The following ANK2 variants were observed in gnomAD, a reference collection of about 807,000 sequenced individuals.
ANK2 encodes ankyrin 2.
In ANK2, 83 loss-of-function variants were observed where a neutral mutation model predicts 360.5. The observed-to-expected ratio is 0.23, with a 90% CI of 0.19 to 0.28. ANK2 has a LOEUF of 0.28. Ranked by LOEUF, ANK2 falls within the 10% of genes least tolerant of loss-of-function variation. ANK2 has a pLI of 1.00. For synonymous variants in ANK2, 1,740 were observed against 1,759.5 expected, an observed-to-expected ratio of 0.99 and a Z score of 0.28; for missense variants, 4,201 against 4,795.7, an observed-to-expected ratio of 0.88 and a Z score of 3.66.
intron 2 of ANK2, among the ~76,000 whole-genome samples, chr4:113,008,076 T>A (rs2154290721): frequency 6.6e-6 from 1 of 151,768 alleles, no homozygotes; most frequent in East Asian, 1.9e-4. Flanking sequence ...CTGGAAAAAG[T>A]GGTACCTACA....
intron 1 of ANK2, among the ~76,000 whole-genome samples, chr4:112,860,191 G>A (rs1376859773): frequency 6.6e-6 from 1 of 152,118 alleles, no homozygotes; most frequent in Non-Finnish European, 1.5e-5. Context: ...ACCATTTAAT[G>A]GGACCTAAGT....
the ANK2 span, among the ~76,000 whole-genome samples, chr4:112,727,879 C>A: frequency 6.6e-6 from 1 of 152,126 alleles, no homozygotes; most frequent in Non-Finnish European, 1.5e-5. Context: ...ACTCAGGAGG[C>A]TGAGGCAGAA....
At chr4:113,242,372 C>A (rs898093831) in intron 9 of ANK2, among the ~76,000 whole-genome samples, 163 bp downstream of exon 9, 11 of 152,040 alleles carry the variant, frequency 7.2e-5, no homozygotes, top group Non-Finnish European at 1.5e-4. Flanking sequence ...GGGTTCATAC[C>A]GTACAGTGAA....
chr4:113,273,041 A>G (rs2059086600), intron 14 of ANK2, among the ~76,000 whole-genome samples: 3 of 152,122 alleles, frequency 2.0e-5, no homozygotes, highest in Admixed American at 2.0e-4. Context: ...GAGAAATTTT[A>G]TCTTCTAATG....
rs534411089 is a variant in ANK2, at chr4:113,176,621, A to T, written c.186+2104A>T. Among the ~76,000 whole-genome samples the T allele has an allele frequency of 4.0e-3, 606 of 151,766 alleles. 5 individuals are homozygous for T. The highest frequency in any genetic ancestry group is 0.014 in the African/African-American group (585 of 41,422). On this transcript the variant is annotated intron_variant, in intron 2 of 45. Transcript: ENST00000357077. ...ATGAAATATTTATTTATTTATTTTT[A>T]TTTTATTTTATTTTATTTTTTATTA... is the stretch of plus-strand genomic sequence containing the variant.
At chr4:113,130,524 G>A (rs986272911) in intron 1 of ANK2, among the ~76,000 whole-genome samples, 6 of 152,218 alleles carry the variant, frequency 3.9e-5, no homozygotes, top group South Asian at 2.1e-4. Flanking sequence ...TGTTACATGC[G>A]TGTTCTTTAC....
At chr4:112,734,316 T>C in the ANK2 span, among the ~76,000 whole-genome samples, 3 of 152,224 alleles carry the variant, frequency 2.0e-5, no homozygotes, top group Admixed American at 1.3e-4. Context: ...GGCTCACTGA[T>C]GGGACTTGAC....
chr4:113,073,196 T>C (rs1396748941), intron 1 of ANK2, among the ~76,000 whole-genome samples: 2 of 151,952 alleles, frequency 1.3e-5, no homozygotes, highest in African/African-American at 4.8e-5. Context: ...CCTAAGGTGA[T>C]CCACCTGTCT....
the ANK2 span, among the ~76,000 whole-genome samples, chr4:112,791,672 T>C: frequency 2.0e-5 from 3 of 151,592 alleles, no homozygotes; most frequent in South Asian, 6.3e-4. Flanking sequence ...TTTGTATTTT[T>C]AGTAGAGACG....
At chr4:112,758,907 G>A in the ANK2 span, among the ~76,000 whole-genome samples, 10 of 152,030 alleles carry the variant, frequency 6.6e-5, no homozygotes, top group Admixed American at 1.3e-4. Context: ...TGCCCATGAT[G>A]GTGATTCTAG....
chr4:113,183,294 G>T (rs1056453290), intron 2 of ANK2, among the ~76,000 whole-genome samples: 11 of 152,124 alleles, frequency 7.2e-5, no homozygotes, highest in Non-Finnish European at 4.4e-5. Context: ...GCAGTTGAGG[G>T]TAAGACAGTA....
At chr4:113,176,601 A>ATATT (rs1189433303) in intron 2 of ANK2, among the ~76,000 whole-genome samples, 4 of 151,842 alleles carry the variant, frequency 2.6e-5, no homozygotes, top group African/African-American at 7.2e-5. Flanking sequence ...TGAATATGAA[A>ATATT]TATTTATTTA....
intron 1 of ANK2, among the ~76,000 whole-genome samples, chr4:112,862,559 GA>G (rs1342314839): frequency 1.3e-5 from 2 of 151,788 alleles, no homozygotes; most frequent in Non-Finnish European, 2.9e-5. Context: ...GGAAACTAGT[GA>G]AAAAAAAGTT....
intron 1 of ANK2, among the ~76,000 whole-genome samples, chr4:113,137,766 T>A (rs2096491395): frequency 6.6e-6 from 1 of 152,150 alleles, no homozygotes; most frequent in Non-Finnish European, 1.5e-5. Flanking sequence ...TCAGCATGAG[T>A]GTATTTACTA....
In ANK2 at chr4:113,274,609, T is replaced by G. The variant is rs761620408; in HGVS notation, c.1643T>G (p.Val548Gly). The part of the protein sequence containing the change: ...AREGQVDVAS[V>G]LLEAGAAHSL... The stretch of plus-strand genomic sequence containing the variant: ...GAGGGCCAGGTGGATGTGGCATCAG[T>G]CCTATTGGAAGCAGGAGCAGCCCAC... Residue 548 changes from valine (V) to glycine (G), a missense_variant, in exon 15 of 46, where the codon GTC becomes GGC. Transcript: ENST00000357077. The G allele has an allele frequency of 4.3e-6, 7 of 1,614,180 alleles. No individual in the cohort carries two copies. The highest frequency in any genetic ancestry group is 5.9e-6 in the Non-Finnish European group (7 of 1,180,032).
chr4:113,232,777 T>C (rs1057254945), intron 5 of ANK2, among the ~76,000 whole-genome samples: 3 of 152,202 alleles, frequency 2.0e-5, no homozygotes, highest in Non-Finnish European at 4.4e-5. Context: ...AATAGAATGT[T>C]CAAAATCAGT....
At chr4:112,994,578 T>G (rs531234098) in intron 2 of ANK2, among the ~76,000 whole-genome samples, 8 of 152,328 alleles carry the variant, frequency 5.3e-5, no homozygotes, top group African/African-American at 1.9e-4. Context: ...CACTGTGGTA[T>G]AGACATCGGG....
chr4:113,064,298 G>A (rs2074737638), intron 1 of ANK2, among the ~76,000 whole-genome samples: 1 of 152,112 alleles, frequency 6.6e-6, no homozygotes, highest in South Asian at 2.1e-4. Flanking sequence ...CATCATCTCT[G>A]TGTACACTAA....
the ANK2 span, chr4:112,739,032 A>C: frequency 1.7e-6 from 1 of 599,230 alleles, no homozygotes. Context: ...CAAAGCCATC[A>C]TGGAAAGTTC....
Sources: allele counts gnomAD v4.1 joint callset (sites outside exome capture counted in the v4.1 genomes callset), GRCh38; gene constraint gnomAD v4.1.1; transcripts MANE v1.5; gene names NCBI Gene and HGNC (gene_info 2026-07-23, HGNC 2026-07-21).